The following PRKG1 variants were observed in gnomAD, a reference collection of about 807,000 sequenced individuals.
The protein encoded by PRKG1 is cGMP-dependent protein kinase 1.
PRKG1 carries 35 observed loss-of-function variants against 88.1 expected under a neutral mutation model. That is an observed-to-expected ratio of 0.40 (90% CI 0.30 to 0.53). The LOEUF is 0.53. Ranked by LOEUF, PRKG1 falls within the 20% of genes least tolerant of loss-of-function variation. The probability of loss-of-function intolerance (pLI) is 0.59; values close to 1 mark genes in which losing one functional copy is unlikely to be tolerated. For missense variants in PRKG1, 540 were observed against 839.8 expected (o/e 0.64, Z 4.41); for synonymous variants, 303 against 292.5 (o/e 1.04, Z -0.37).
intron 5 of PRKG1, among the ~76,000 whole-genome samples, chr10:51,988,337 G>A (rs1015634372): frequency 6.6e-6 from 1 of 151,998 alleles, no homozygotes; most frequent in African/African-American, 2.4e-5. Context: ...TTCTTCCCTA[G>A]ATGGTCAGTT....
intron 5 of PRKG1, among the ~76,000 whole-genome samples, chr10:52,022,660 C>A (rs1845217031): frequency 6.6e-6 from 1 of 152,008 alleles, no homozygotes; most frequent in Admixed American, 6.6e-5. Flanking sequence ...TATGGTATAG[C>A]TCATCTGAAA....
At chr10:51,470,801 T>C (rs1318729737) in intron 3 of PRKG1, among the ~76,000 whole-genome samples, 1 of 151,922 alleles carries the variant, frequency 6.6e-6, no homozygotes, top group Non-Finnish European at 1.5e-5. Context: ...ATTATGAGCT[T>C]GTTCATAGTG....
chr10:51,286,092 A>G (rs1840434137), intron 2 of PRKG1, among the ~76,000 whole-genome samples: 2 of 152,108 alleles, frequency 1.3e-5, no homozygotes, highest in South Asian at 4.1e-4. Context: ...GATCTCAGCC[A>G]CCCGAGTAGC....
At chr10:51,387,443 A>C (rs1365448947) in intron 2 of PRKG1, among the ~76,000 whole-genome samples, 3 of 151,922 alleles carry the variant, frequency 2.0e-5, no homozygotes, top group African/African-American at 7.2e-5. Flanking sequence ...CAAATTATGT[A>C]GCCAGTCATT....
At chr10:51,523,843 T>G (rs184373018) in intron 3 of PRKG1, among the ~76,000 whole-genome samples, 121 of 152,356 alleles carry the variant, frequency 7.9e-4, no homozygotes, top group East Asian at 1.9e-3. Context: ...TTCCATAGTT[T>G]AAACATTTAT....
rs773757054 is a variant in PRKG1, at chr10:50,991,429, G to A, written c.51G>A (p.Glu17=). Reference sequence around the variant, plus strand: ...CCAAGATTCTCATGCTCAAGGAGGAGAGGATCAAAGAGCTGGAGAAGCGGC... The same window carrying A: ...CCAAGATTCTCATGCTCAAGGAGGAAAGGATCAAAGAGCTGGAGAAGCGGC... Residue 17 remains glutamate, a synonymous_variant, in exon 1 of 18, where the codon GAG becomes GAA. Coordinates refer to the PRKG1 transcript ENST00000401604. The surrounding 1 kb of genome is among the most constrained non-coding windows in gnomAD (Gnocchi z 4.5). 1 of 1,587,652 alleles carries A rather than the reference G, an allele frequency of 6.3e-7. No homozygotes were observed. Among genetic ancestry groups the A allele is most frequent in the Non-Finnish European group, 8.6e-7 (1 of 1,167,594 alleles).
chr10:52,057,259 G>A (rs916853245), intron 6 of PRKG1, among the ~76,000 whole-genome samples: 1 of 152,158 alleles, frequency 6.6e-6, no homozygotes, highest in African/African-American at 2.4e-5. Context: ...CACAAAGAGA[G>A]AAGCATTATA....
chr10:51,908,734 A>ATATATATATATATTTTTT lies in PRKG1; in HGVS notation c.762+1165_762+1166insATATATATATATTTTTTT, dbSNP rs563212069. 1.7e-3 allele frequency: 90 copies of ATATATATATATATTTTTT among 52,188 alleles called. 6 individuals are homozygous for ATATATATATATATTTTTT. Among genetic ancestry groups the ATATATATATATATTTTTT allele is most frequent in the East Asian group, 5.2e-3 (15 of 2,906 alleles). 3.2% of individuals were successfully genotyped at this position (52,188 alleles called of 1,614,324 possible). On this transcript the variant is annotated intron_variant, in intron 5 of 17. Transcript: ENST00000373980. ...CTCTCTGTCTATCTATCTATATGTA[A>ATATATATATATATTTTTT]TTTTTTTTTTTTTGAGACAGTGTCT... is the stretch of plus-strand genomic sequence containing the variant.
At chr10:51,355,132 CA>C (rs1842336984) in intron 2 of PRKG1, among the ~76,000 whole-genome samples, 1 of 152,174 alleles carries the variant, frequency 6.6e-6, no homozygotes, top group African/African-American at 2.4e-5. Flanking sequence ...AAATAACACA[CA>C]AGTAAAATGC....
intron 9 of PRKG1, among the ~76,000 whole-genome samples, chr10:52,214,629 C>T (rs902161978): frequency 1.3e-5 from 2 of 152,056 alleles, no homozygotes; most frequent in African/African-American, 4.8e-5. Flanking sequence ...ACAAACAAAC[C>T]ATTTAAGGAT....
At chr10:51,927,804 A>G (rs1842611680) in intron 5 of PRKG1, among the ~76,000 whole-genome samples, 1 of 152,150 alleles carries the variant, frequency 6.6e-6, no homozygotes, top group Non-Finnish European at 1.5e-5. Context: ...ATCATTTGAG[A>G]CTATGTTATT....
Position 51,825,254 on chromosome 10 carries a change from C to T in PRKG1, c.698+20564C>T, listed in dbSNP as rs949496822. 2.0e-5 allele frequency among the ~76,000 whole-genome samples: 3 copies of T among 152,246 alleles called. No individual in the cohort carries two copies. The South Asian group carries it at 6.2e-4, about 32-fold the overall frequency. Reference sequence around the variant, plus strand: ...AATTAGGCAAATTAATAGAGACCAACTAAGTATTTTTAGATTTTAGAAATC... The same window carrying T: ...AATTAGGCAAATTAATAGAGACCAATTAAGTATTTTTAGATTTTAGAAATC... On this transcript the variant is annotated intron_variant, in intron 4 of 17. Coordinates refer to ENST00000373980, the MANE Select transcript of PRKG1 (RefSeq NM_006258.4).
intron 2 of PRKG1, among the ~76,000 whole-genome samples, chr10:51,210,657 C>T (rs1447346573): frequency 2.0e-5 from 3 of 152,120 alleles, no homozygotes; most frequent in Admixed American, 2.0e-4. Flanking sequence ...CATAGAAATA[C>T]AAACTACCAT....
At chr10:51,131,602 G>GCATA (rs904796664) in intron 1 of PRKG1, among the ~76,000 whole-genome samples, 11 of 152,090 alleles carry the variant, frequency 7.2e-5, no homozygotes, top group South Asian at 4.2e-4. Context: ...ATACATACGT[G>GCATA]CATACATACA....
At chr10:51,560,446 C>T (rs1429336458) in intron 3 of PRKG1, among the ~76,000 whole-genome samples, 2 of 152,056 alleles carry the variant, frequency 1.3e-5, no homozygotes, top group Non-Finnish European at 2.9e-5. Flanking sequence ...AACAGACCTT[C>T]CCTCTTGCAA....
In PRKG1 at chr10:51,192,297, C is replaced by T. The variant is rs571085200; in HGVS notation, c.478+38967C>T. On this transcript the variant is annotated intron_variant, in intron 2 of 17. Transcript: ENST00000373980. Reference sequence around the variant, plus strand: ...ATAATATTTAATGAAACAGGGAAGACCACATGACCTTTGGAAGCTTTCTTA... The same window carrying T: ...ATAATATTTAATGAAACAGGGAAGATCACATGACCTTTGGAAGCTTTCTTA... 4.6e-5 allele frequency among the ~76,000 whole-genome samples: 7 copies of T among 151,920 alleles called. No individual in the cohort carries two copies. The South Asian group carries it at 8.3e-4, about 18-fold the overall frequency.
chr10:51,023,654 G>T (rs1011811703), intron 1 of PRKG1, among the ~76,000 whole-genome samples: 7 of 152,138 alleles, frequency 4.6e-5, no homozygotes, highest in Non-Finnish European at 8.8e-5. Flanking sequence ...CACACAAAAA[G>T]CAGATTAGAA....
chr10:51,718,766 A>G (rs1841944327), intron 3 of PRKG1, among the ~76,000 whole-genome samples: 1 of 151,678 alleles, frequency 6.6e-6, no homozygotes, highest in Admixed American at 6.6e-5. Flanking sequence ...GATGGTTACC[A>G]GAGGCTGGGA....
intron 5 of PRKG1, among the ~76,000 whole-genome samples, chr10:51,993,995 T>C (rs1407617463): frequency 6.6e-6 from 1 of 152,114 alleles, no homozygotes; most frequent in Non-Finnish European, 1.5e-5. Context: ...TCTAAAGAAA[T>C]GGCATAGGGT....
Sources: gnomAD v4.1 joint callset for allele counts (sites outside exome capture counted in the v4.1 genomes callset) on GRCh38, gnomAD v4.1.1 for gene constraint, Gnocchi (gnomAD v3.1) non-coding constraint, MANE v1.5 for transcripts, NCBI Gene and HGNC (gene_info 2026-07-23, HGNC 2026-07-21) for gene names.